The following CCM2 variants were observed in gnomAD, a reference collection of about 807,000 sequenced individuals.
CCM2 encodes cerebral cavernous malformations 2 protein.
A neutral mutation model predicts 44.9 loss-of-function variants in CCM2; 25 were observed. The ratio of observed to expected loss-of-function variants is 0.56; its 90% CI spans 0.41 to 0.78. CCM2 has a LOEUF of 0.78. Among genes scored for constraint, CCM2 ranks in the 30% least tolerant of loss-of-function variants. CCM2 has a pLI of 0.00. For synonymous variants in CCM2, 219 were observed against 241.1 expected (o/e 0.91, Z 0.85); for missense variants, 481 against 580.6 (o/e 0.83, Z 1.76).
intron 1 of CCM2, among the ~76,000 whole-genome samples, chr7:45,018,013 G>A (rs1425496951): frequency 6.6e-6 from 1 of 151,942 alleles, no homozygotes; most frequent in African/African-American, 2.4e-5. Context: ...CGGTTTCGTG[G>A]CAGACAGTTT....
intron 1 of CCM2, among the ~76,000 whole-genome samples, chr7:45,019,463 T>A (rs1796396211): frequency 6.6e-6 from 1 of 152,194 alleles, no homozygotes; most frequent in East Asian, 1.9e-4. Context: ...ACTCCTAAGA[T>A]GTGGCCTTTG....
At position 45,064,666 on chromosome 7, in the gene CCM2, A is replaced by G; in HGVS notation, c.472+20A>G. On this transcript the variant is annotated intron_variant, in intron 4 of 9. Coordinates refer to ENST00000258781, the MANE Select transcript of CCM2 (RefSeq NM_031443.4). ...AGACAGGTACAGGAGGTCAGGGGTC[A>G]GGAGGGTCCTTGTCCTAAGGAGTAC... The G allele has an allele frequency of 1.2e-6, 2 of 1,613,366 alleles. No homozygotes were observed. Among genetic ancestry groups the G allele is most frequent in the Non-Finnish European group, 1.7e-6 (2 of 1,179,878 alleles).
chr7:45,068,461 C>T lies in CCM2; in HGVS notation c.491C>T (p.Ser164Phe), dbSNP rs369353708. 3.7e-6 allele frequency: 6 copies of T among 1,614,004 alleles called. No homozygotes were observed. In the African/African-American group the frequency reaches 5.3e-5, roughly 14 times the overall value. ...VLKTAQDPGI[S>F]PSQSLCAESS... ...TTCTCAGCCCAGGACCCAGGGATCTCCCCCAGCCAGAGTCTGTGTGCGGAA... is the reference window on the plus strand; with the variant it reads ...TTCTCAGCCCAGGACCCAGGGATCTTCCCCAGCCAGAGTCTGTGTGCGGAA... The change falls in exon 5 of 10, where the codon TCC becomes TTC. Residue 164 changes from serine (S) to phenylalanine (F), a missense_variant. Physicochemically the swap from Ser to Phe is radical, Grantham distance 155 (BLOSUM62 -2). Coordinates refer to ENST00000258781, the MANE Select transcript of CCM2 (RefSeq NM_031443.4).
chr7:45,037,773 G>A (rs1195714796), intron 1 of CCM2, among the ~76,000 whole-genome samples: 1 of 152,060 alleles, frequency 6.6e-6, no homozygotes, highest in Non-Finnish European at 1.5e-5. Context: ...GTCCCCACTT[G>A]GAGTGTTCCC....
chr7:45,004,016 C>CA (rs372299622), intron 1 of CCM2, among the ~76,000 whole-genome samples: 80 of 152,122 alleles, frequency 5.3e-4, no homozygotes, highest in African/African-American at 1.9e-3. Flanking sequence ...CCTATCTCTA[C>CA]AAAAAATAAG....
intron 1 of CCM2, among the ~76,000 whole-genome samples, chr7:45,009,301 A>AC (rs1491163648): frequency 1.6e-5 from 1 of 62,484 alleles, no homozygotes; most frequent in Non-Finnish European, 3.0e-5. Flanking sequence ...CCTCTGTCTC[A>AC]AAAAAAAAAA....
At chr7:45,069,209 A>G (rs1798933928) in intron 5 of CCM2, among the ~76,000 whole-genome samples, 1 of 152,194 alleles carries the variant, frequency 6.6e-6, no homozygotes, top group African/African-American at 2.4e-5. Flanking sequence ...TCTAATGAGC[A>G]TTTCTCAGTG....
intron 1 of CCM2, among the ~76,000 whole-genome samples, chr7:45,020,773 T>G (rs1796451070): frequency 6.6e-6 from 1 of 152,234 alleles, no homozygotes; most frequent in African/African-American, 2.4e-5. Flanking sequence ...TTAAGTTTTC[T>G]TACTAAAAAA....
chr7:45,004,838 A>T (rs1477579928), intron 1 of CCM2, among the ~76,000 whole-genome samples: 2 of 152,086 alleles, frequency 1.3e-5, no homozygotes, highest in Non-Finnish European at 2.9e-5. Flanking sequence ...CTCTACTAAA[A>T]ATACAAAAAT....
At chr7:45,005,697 G>A (rs1225890435) in intron 1 of CCM2, among the ~76,000 whole-genome samples, 1 of 152,242 alleles carries the variant, frequency 6.6e-6, no homozygotes, top group East Asian at 1.9e-4. Context: ...TATGTGCTTA[G>A]CCCACTGAGA....
intron 1 of CCM2, among the ~76,000 whole-genome samples, chr7:45,019,593 T>C (rs972391177): frequency 2.6e-5 from 4 of 151,180 alleles, no homozygotes; most frequent in South Asian, 2.1e-4. Flanking sequence ...AAATCTCAGC[T>C]TTTTTTTTGA....
chr7:45,026,480 A>G lies in CCM2; in HGVS notation c.31-11773A>G, dbSNP rs879866589. On this transcript the variant is annotated intron_variant, in intron 1 of 9. Transcript: ENST00000258781. ...AGAATTGTATGAAAGTACCATTTTT[A>G]TAGCCAAAACACTGTTGAAAATCAG... 2.6e-5 allele frequency among the ~76,000 whole-genome samples: 4 copies of G among 152,148 alleles called. No individual in the cohort carries two copies. The East Asian group carries it at 5.8e-4, about 22-fold the overall frequency.
At position 45,023,695 on chromosome 7, in the gene CCM2, A is replaced by G. The variant is rs563962268; in HGVS notation, c.31-14558A>G. 8.6e-5 allele frequency among the ~76,000 whole-genome samples: 12 copies of G among 139,212 alleles called. 1 individual carries two copies. In the South Asian group the frequency reaches 2.4e-3, roughly 28 times the overall value. 91.3% of individuals were successfully genotyped at this position (139,212 alleles called of 152,430 possible). On this transcript the variant is annotated intron_variant, in intron 1 of 9. Transcript: ENST00000258781. ...ATTGTGAATGAGATTCAGTTTTATT[A>G]TGGTAGGCAGTGAGATTACTGGGAA...
intron 2 of CCM2, among the ~76,000 whole-genome samples, chr7:45,044,234 C>T (rs555321815): frequency 1.3e-3 from 204 of 152,276 alleles, no homozygotes; most frequent in African/African-American, 4.1e-3. Context: ...CCCGGGTTCA[C>T]GCTGTTCTCC....
intron 1 of CCM2, among the ~76,000 whole-genome samples, chr7:45,030,430 A>G (rs1340302168): frequency 3.9e-5 from 6 of 152,190 alleles, no homozygotes; most frequent in Non-Finnish European, 8.8e-5. Context: ...ATGCTAAACC[A>G]TTTAATTATT....
intron 2 of CCM2, among the ~76,000 whole-genome samples, chr7:45,044,147 G>A (rs1452421694): frequency 6.6e-6 from 1 of 151,752 alleles, no homozygotes; most frequent in East Asian, 1.9e-4. Context: ...GTTTTGTTTC[G>A]TTTTGGGATG....
At position 45,016,884 on chromosome 7, in the gene CCM2, C is replaced by T. The variant is rs1233542950; in HGVS notation, c.30+16521C>T. On this transcript the variant is annotated intron_variant, in intron 1 of 9. Coordinates refer to ENST00000258781, the MANE Select transcript of CCM2 (RefSeq NM_031443.4). The stretch of plus-strand genomic sequence containing the variant: ...CTGGCCTCAAGTGATCTGACTGTCT[C>T]GGCCTTCCAAAGTGCTAGGATTACA... Among the ~76,000 whole-genome samples the T allele has an allele frequency of 5.9e-5, 9 of 152,308 alleles. No individual in the cohort carries two copies. The South Asian group carries it at 6.2e-4, about 11-fold the overall frequency.
At chr7:45,059,464 G>T (rs912327143) in intron 2 of CCM2, among the ~76,000 whole-genome samples, 4 of 151,584 alleles carry the variant, frequency 2.6e-5, no homozygotes, top group African/African-American at 7.3e-5. Context: ...AAAAATACAG[G>T]CTGGGTGCGG....
intron 1 of CCM2, among the ~76,000 whole-genome samples, chr7:45,006,731 A>G (rs1385024248): frequency 6.6e-6 from 1 of 152,146 alleles, no homozygotes; most frequent in Admixed American, 6.5e-5. Context: ...CCTTATAGGA[A>G]GTTATTAGGA....
Sources: allele counts gnomAD v4.1 joint callset (sites outside exome capture counted in the v4.1 genomes callset), GRCh38; gene constraint gnomAD v4.1.1; transcripts MANE v1.5; gene names NCBI Gene and HGNC (gene_info 2026-07-23, HGNC 2026-07-21).